EPHA5: variants seen among roughly 807,000 people sequenced by gnomAD.
EPHA5 encodes the protein EPH receptor A5.
A neutral mutation model predicts 105.0 loss-of-function variants in EPHA5; 60 were observed. The ratio of observed to expected loss-of-function variants is 0.57; its 90% confidence interval spans 0.46 to 0.71. EPHA5 has a LOEUF of 0.71. Ranked by LOEUF, EPHA5 falls within the 30% of genes least tolerant of loss-of-function variation. EPHA5 has a pLI of 0.00. For synonymous variants in EPHA5, 513 were observed against 449.1 expected, an observed-to-expected ratio of 1.14 and a Z score of -1.80; for missense variants, 1,218 against 1,274.7, an observed-to-expected ratio of 0.96 and a Z score of 0.68.
intron 2 of EPHA5, among the ~76,000 whole-genome samples, chr4:65,603,784 T>G (rs1212940396): frequency 1.3e-5 from 2 of 152,136 alleles, no homozygotes; most frequent in Non-Finnish European, 2.9e-5. Context: ...AAATCTCATT[T>G]TTGTCCTCTC....
intron 5 of EPHA5, among the ~76,000 whole-genome samples, chr4:65,429,037 C>T (rs891805916): frequency 2.6e-5 from 4 of 151,904 alleles, no homozygotes; most frequent in Admixed American, 2.0e-4. Flanking sequence ...GTTTTCCATT[C>T]ATTACTTGTT....
intron 16 of EPHA5, chr4:65,331,557 G>C: frequency 1.9e-6 from 2 of 1,056,708 alleles, no homozygotes; most frequent in Non-Finnish European, 2.3e-6. Flanking sequence ...TCATCGTAGA[G>C]AGCCAAAATG....
chr4:65,620,662 A>G (rs1745633163), intron 2 of EPHA5, among the ~76,000 whole-genome samples: 1 of 152,158 alleles, frequency 6.6e-6, no homozygotes, highest in African/African-American at 2.4e-5. Flanking sequence ...ATGATATTTC[A>G]GTTCTTGAAA....
At chr4:65,566,555 C>G (rs926385704) in intron 3 of EPHA5, among the ~76,000 whole-genome samples, 1 of 151,412 alleles carries the variant, frequency 6.6e-6, no homozygotes, top group Non-Finnish European at 1.5e-5. Context: ...TCTTTTCTTC[C>G]TTATTTATTT....
intron 14 of EPHA5, among the ~76,000 whole-genome samples, chr4:65,343,410 A>G (rs369466304): frequency 2.0e-5 from 3 of 152,312 alleles, no homozygotes; most frequent in Non-Finnish European, 1.5e-5. Context: ...CTCCTGACAC[A>G]GAGGAAGATC....
intron 8 of EPHA5, among the ~76,000 whole-genome samples, chr4:65,389,248 A>G (rs553572303): frequency 3.9e-5 from 6 of 152,168 alleles, no homozygotes; most frequent in Admixed American, 2.6e-4. Context: ...AAAATATAGC[A>G]TTGTGGTGCT....
intron 1 of EPHA5, among the ~76,000 whole-genome samples, chr4:65,652,582 T>C (rs1451529118): frequency 1.3e-5 from 2 of 152,166 alleles, no homozygotes; most frequent in Non-Finnish European, 2.9e-5. Context: ...GCTCTTTCTC[T>C]TGTATCTATA....
chr4:65,546,979 G>T (rs771403401), intron 3 of EPHA5, among the ~76,000 whole-genome samples: 4 of 151,806 alleles, frequency 2.6e-5, no homozygotes, highest in Admixed American at 2.6e-4. Context: ...ATAATCATTC[G>T]TAAGTCCACA....
At chr4:65,529,659 A>G (rs961326262) in intron 3 of EPHA5, among the ~76,000 whole-genome samples, 1 of 152,252 alleles carries the variant, frequency 6.6e-6, no homozygotes, top group Middle Eastern at 3.4e-3. Context: ...AATAAATGTC[A>G]TGGTTTCAGT....
In EPHA5 at chr4:65,511,153, G is replaced by A. The variant is rs145598818; in HGVS notation, c.911-15610C>T. Among the ~76,000 whole-genome samples, 311 of 152,214 alleles carry A rather than the reference G, an allele frequency of 2.0e-3. 1 individual carries two copies. Among genetic ancestry groups the A allele is most frequent in the African/African-American group, 6.9e-3 (287 of 41,536 alleles). ...TCAGAACTGTGAGAAATAAATTTCT[G>A]CTGCTTAAGCCACCCAGCCTGTGGT... On this transcript the variant is annotated intron_variant, in intron 3 of 16. Coordinates refer to ENST00000613740, the MANE Select transcript of EPHA5 (RefSeq NM_001281766.3).
intron 8 of EPHA5, among the ~76,000 whole-genome samples, chr4:65,373,994 G>T (rs1446955229): frequency 6.6e-6 from 1 of 151,882 alleles, no homozygotes; most frequent in Admixed American, 6.6e-5. Context: ...ATTGGTTTCT[G>T]TAAGCACAAA....
intron 3 of EPHA5, among the ~76,000 whole-genome samples, chr4:65,531,335 C>A (rs62300364): frequency 1.3e-5 from 2 of 152,158 alleles, no homozygotes; most frequent in Admixed American, 1.3e-4. Flanking sequence ...CCGCGCCCGG[C>A]CTTTTTTTTC....
At chr4:65,382,929 C>T (rs1383607382) in intron 8 of EPHA5, among the ~76,000 whole-genome samples, 2 of 151,096 alleles carry the variant, frequency 1.3e-5, no homozygotes, top group Non-Finnish European at 3.0e-5. Flanking sequence ...ATATTAATGG[C>T]CTGCATGTAA....
At chr4:65,418,888 T>TTTTTTTTTTC (rs1266312291) in intron 6 of EPHA5, among the ~76,000 whole-genome samples, 3 of 99,700 alleles carry the variant, frequency 3.0e-5, no homozygotes, top group Non-Finnish European at 6.2e-5. Flanking sequence ...TTTTTTTTTT[T>TTTTTTTTTTC]TTTTTTTGCT....
chr4:65,410,393 G>GTAT (rs2149007361), intron 7 of EPHA5, among the ~76,000 whole-genome samples: 1 of 152,238 alleles, frequency 6.6e-6, no homozygotes, highest in South Asian at 2.1e-4. Context: ...GCAGATGAAT[G>GTAT]GTTTCCAGGG....
At chr4:65,486,932 G>C (rs12513152) in intron 5 of EPHA5, among the ~76,000 whole-genome samples, 28,267 of 152,148 alleles carry the variant, frequency 0.19, 3,301 homozygotes, top group Middle Eastern at 0.32. Flanking sequence ...CATATCCTTG[G>C]TGCTCTCATG....
At chr4:65,480,172 CTT>C (rs1425740759) in intron 5 of EPHA5, among the ~76,000 whole-genome samples, 1 of 152,096 alleles carries the variant, frequency 6.6e-6, no homozygotes, top group African/African-American at 2.4e-5. Flanking sequence ...GATGAACAAA[CTT>C]CAACTAATTG....
At chr4:65,357,739 A>C (rs1230927448) in intron 11 of EPHA5, among the ~76,000 whole-genome samples, 1 of 151,418 alleles carries the variant, frequency 6.6e-6, no homozygotes, top group Non-Finnish European at 1.5e-5. Context: ...AAAGTACTAA[A>C]GATCTGCTGT....
At chr4:65,326,990 T>C (rs929537865) in intron 16 of EPHA5, among the ~76,000 whole-genome samples, 6 of 151,208 alleles carry the variant, frequency 4.0e-5, no homozygotes, top group Non-Finnish European at 8.9e-5. Context: ...TGGTTTTGTC[T>C]AAAGGATATC....
Sources: allele counts gnomAD v4.1 joint callset (sites outside exome capture counted in the v4.1 genomes callset), GRCh38; gene constraint gnomAD v4.1.1; transcripts MANE v1.5; gene names NCBI Gene and HGNC (gene_info 2026-07-23, HGNC 2026-07-21).